EDIL3: variants seen among roughly 807,000 people sequenced by gnomAD.
The protein encoded by EDIL3 is EGF like and discoidin domains 3.
EDIL3 carries 37 observed loss-of-function variants against 67.4 expected under a neutral mutation model. The ratio of observed to expected loss-of-function variants is 0.55; its 90% CI spans 0.42 to 0.72. The LOEUF (loss-of-function observed/expected upper bound fraction) is 0.72, where lower values mean the gene tolerates loss of function less well. Among genes scored for constraint, EDIL3 ranks in the 30% least tolerant of loss-of-function variants. The pLI is 0.00. For missense variants in EDIL3, 527 were observed against 586.3 expected (o/e 0.90, Z 1.04); for synonymous variants, 195 against 196.3 (o/e 0.99, Z 0.05).
chr5:84,027,546 T>TTTTTA (rs3043885), intron 9 of EDIL3, among the ~76,000 whole-genome samples: 12,664 of 146,232 alleles, frequency 0.087, 825 homozygotes, highest in East Asian at 0.33. Flanking sequence ...ACACCATCCA[T>TTTTTA]TTTTATTTTA....
At chr5:84,111,231 C>A (rs1271436629) in intron 5 of EDIL3, among the ~76,000 whole-genome samples, 1 of 152,126 alleles carries the variant, frequency 6.6e-6, no homozygotes, top group African/African-American at 2.4e-5. Flanking sequence ...AAACTATTTT[C>A]TTCATAAATT....
At chr5:84,100,079 G>A (rs779220568) in intron 6 of EDIL3, among the ~76,000 whole-genome samples, 1 of 152,148 alleles carries the variant, frequency 6.6e-6, no homozygotes, top group Non-Finnish European at 1.5e-5. Context: ...GGAAACAACA[G>A]ATGCTGGAGT....
intron 2 of EDIL3, among the ~76,000 whole-genome samples, chr5:84,244,443 T>A (rs1207853926): frequency 2.0e-5 from 3 of 146,532 alleles, no homozygotes; most frequent in Non-Finnish European, 4.5e-5. Context: ...CACACCTGGC[T>A]ATTTTTTTTT....
intron 1 of EDIL3, among the ~76,000 whole-genome samples, chr5:84,358,541 C>T (rs1747533534): frequency 6.8e-6 from 1 of 146,268 alleles, no homozygotes; most frequent in Non-Finnish European, 1.5e-5. Context: ...GCTAAGCAAA[C>T]AGTTTTGGGA....
At chr5:84,051,739 C>T (rs757873030) in intron 9 of EDIL3, among the ~76,000 whole-genome samples, 36 of 151,802 alleles carry the variant, frequency 2.4e-4, no homozygotes, top group African/African-American at 6.1e-4. Flanking sequence ...TGAAATGAAG[C>T]GAGAAGAGAA....
intron 6 of EDIL3, among the ~76,000 whole-genome samples, chr5:84,104,146 C>G (rs1342739302): frequency 6.6e-6 from 1 of 151,750 alleles, no homozygotes; most frequent in African/African-American, 2.4e-5. Flanking sequence ...ACATGTTTTC[C>G]CTTAGCACCA....
At chr5:84,207,418 A>C (rs557753734) in intron 3 of EDIL3, among the ~76,000 whole-genome samples, 20 of 152,260 alleles carry the variant, frequency 1.3e-4, no homozygotes, top group South Asian at 6.2e-4. Context: ...AATGGAAGAA[A>C]ATTCCATGCT....
Position 84,330,118 on chromosome 5 carries a change from CTCAAATAACCAAT to C in EDIL3, c.67+54177_67+54189del, listed in dbSNP as rs148381985. On this transcript the variant is annotated intron_variant, in intron 1 of 10. Coordinates refer to ENST00000296591, the MANE Select transcript of EDIL3 (RefSeq NM_005711.5). ...ATAGTTATTAAGTTCGAATATAACC[CTCAAATAACCAAT>C]TCATCTCAAATAAATGTGAAAAATA... 1.5e-3 allele frequency among the ~76,000 whole-genome samples: 222 copies of C among 152,106 alleles called. 1 individual carries two copies. Among genetic ancestry groups the C allele is most frequent in the African/African-American group, 5.0e-3 (209 of 41,522 alleles).
Position 84,108,516 on chromosome 5 carries a change from A to T in EDIL3, c.470-1686T>A, listed in dbSNP as rs145058380. Among the ~76,000 whole-genome samples, 4 of 152,306 alleles carry T rather than the reference A, an allele frequency of 2.6e-5. No individual in the cohort carries two copies. In the East Asian group the frequency reaches 7.7e-4, roughly 29 times the overall value. Reference sequence around the variant, plus strand: ...AAATTAAGAAGCCATTCATTAGTAGAATTGAAGTCTTACGAGCTGCAGATG... The same window carrying T: ...AAATTAAGAAGCCATTCATTAGTAGTATTGAAGTCTTACGAGCTGCAGATG... On this transcript the variant is annotated intron_variant, in intron 5 of 10. Transcript: ENST00000296591.
intron 1 of EDIL3, among the ~76,000 whole-genome samples, chr5:84,331,834 CA>C (rs1440372753): frequency 1.3e-5 from 2 of 152,158 alleles, no homozygotes; most frequent in East Asian, 3.9e-4. Context: ...ATATTCAGAA[CA>C]AAACCAACAT....
At chr5:83,961,664 TGAA>T (rs528081265) in intron 10 of EDIL3, among the ~76,000 whole-genome samples, 1,706 of 151,312 alleles carry the variant, frequency 0.011, 28 homozygotes, top group African/African-American at 0.039. Context: ...GTATAACTTA[TGAA>T]GTTTAAAAAA....
In EDIL3 at chr5:84,309,118, T is replaced by C. The variant is rs188346980; in HGVS notation, c.68-54906A>G. 6.6e-3 allele frequency among the ~76,000 whole-genome samples: 1,004 copies of C among 152,262 alleles called. 41 individuals carry two copies. Among genetic ancestry groups the C allele is most frequent in the Admixed American group, 0.062 (956 of 15,300 alleles). On this transcript the variant is annotated intron_variant, in intron 1 of 10. Coordinates refer to ENST00000296591, the MANE Select transcript of EDIL3 (RefSeq NM_005711.5). ...AGGACACGATTTTTAACTTTAAAGC[T>C]CAAACTCCTATGGCATAATTATGTT...
chr5:84,025,317 T>C (rs1745792182), intron 9 of EDIL3, among the ~76,000 whole-genome samples: 1 of 152,028 alleles, frequency 6.6e-6, no homozygotes, highest in South Asian at 2.1e-4. Flanking sequence ...AAGCTTCATC[T>C]GTATTTATAG....
intron 4 of EDIL3, among the ~76,000 whole-genome samples, chr5:84,160,521 AT>A: frequency 6.6e-6 from 1 of 152,124 alleles, no homozygotes; most frequent in East Asian, 1.9e-4. Context: ...TAAAACATGA[AT>A]TTTGTGTTTT....
At chr5:84,012,066 C>T (rs1745525588) in intron 9 of EDIL3, among the ~76,000 whole-genome samples, 1 of 152,084 alleles carries the variant, frequency 6.6e-6, no homozygotes, top group Admixed American at 6.6e-5. Flanking sequence ...ATGGAATGTG[C>T]TCAATAAATG....
chr5:84,286,455 G>T (rs188915088), intron 1 of EDIL3, among the ~76,000 whole-genome samples: 2 of 152,268 alleles, frequency 1.3e-5, no homozygotes, highest in Non-Finnish European at 2.9e-5. Flanking sequence ...AGGCTGATAT[G>T]CAGTGCTTAA....
At chr5:84,140,568 A>C (rs988493222) in intron 4 of EDIL3, among the ~76,000 whole-genome samples, 1 of 151,836 alleles carries the variant, frequency 6.6e-6, no homozygotes, top group Admixed American at 6.6e-5. Flanking sequence ...GATTCTAAAA[A>C]ATCAACAGTT....
intron 2 of EDIL3, among the ~76,000 whole-genome samples, chr5:84,240,604 G>A (rs1045434011): frequency 6.6e-6 from 1 of 152,102 alleles, no homozygotes; most frequent in Non-Finnish European, 1.5e-5. Flanking sequence ...GTTATCTAGG[G>A]TGTGGCCTCC....
intron 2 of EDIL3, among the ~76,000 whole-genome samples, chr5:84,240,758 A>G (rs1744779479): frequency 6.6e-6 from 1 of 152,112 alleles, no homozygotes; most frequent in South Asian, 2.1e-4. Flanking sequence ...TGGAATACAG[A>G]TCCACATTAC....
Sources: gnomAD v4.1 joint callset for allele counts (sites outside exome capture counted in the v4.1 genomes callset) on GRCh38, gnomAD v4.1.1 for gene constraint, MANE v1.5 for transcripts, NCBI Gene and HGNC (gene_info 2026-07-23, HGNC 2026-07-21) for gene names.